Variants in SCHIP1 observed in about 807,000 individuals in gnomAD.
The protein encoded by SCHIP1 is schwannomin-interacting protein 1.
Under a neutral mutation model 29.7 loss-of-function variants are expected in SCHIP1, and 8 were observed. The ratio of observed to expected loss-of-function variants is 0.27; its 90% CI spans 0.16 to 0.49. The LOEUF (loss-of-function observed/expected upper bound fraction) is 0.49. SCHIP1 is among the 20% of genes least tolerant of loss of function. SCHIP1 has a pLI of 0.99. For missense variants in SCHIP1, 193 were observed against 294.6 expected, an observed-to-expected ratio of 0.66 and a Z score of 2.52; for synonymous variants, 76 against 94.9, an observed-to-expected ratio of 0.80 and a Z score of 1.16.
At chr3:159,401,859 C>T in the SCHIP1 span, among the ~76,000 whole-genome samples, 1 of 152,128 alleles carries the variant, frequency 6.6e-6, no homozygotes, top group African/African-American at 2.4e-5. Context: ...CCAGTTTCAG[C>T]TTTCTACATA....
the SCHIP1 span, among the ~76,000 whole-genome samples, chr3:159,455,408 G>A: frequency 6.6e-6 from 1 of 152,148 alleles, no homozygotes; most frequent in Non-Finnish European, 1.5e-5. Flanking sequence ...AGACAAGCAA[G>A]GCAATAACAA....
At chr3:159,629,140 A>C in the SCHIP1 span, among the ~76,000 whole-genome samples, 1 of 150,728 alleles carries the variant, frequency 6.6e-6, no homozygotes, top group African/African-American at 2.5e-5. Context: ...AAGTTAAACA[A>C]AAACACACAC....
At chr3:159,815,003 C>T in the SCHIP1 span, among the ~76,000 whole-genome samples, 4 of 152,162 alleles carry the variant, frequency 2.6e-5, no homozygotes, top group Admixed American at 6.5e-5. Flanking sequence ...GCTTTTCCTT[C>T]TGAGTTCCTT....
intron 2 of SCHIP1, among the ~76,000 whole-genome samples, chr3:159,871,810 A>G (rs1715320771): frequency 6.6e-6 from 1 of 152,084 alleles, no homozygotes; most frequent in Non-Finnish European, 1.5e-5. Flanking sequence ...GCTGTGCCTG[A>G]GCATGCTCCA....
At chr3:159,872,189 G>A (rs543260897) in intron 2 of SCHIP1, among the ~76,000 whole-genome samples, 2 of 152,134 alleles carry the variant, frequency 1.3e-5, no homozygotes, top group South Asian at 4.2e-4. Context: ...ATTTTAGTAA[G>A]ATTTCAGAAG....
At chr3:159,508,602 C>T in the SCHIP1 span, among the ~76,000 whole-genome samples, 2 of 152,076 alleles carry the variant, frequency 1.3e-5, no homozygotes, top group African/African-American at 2.4e-5. Flanking sequence ...CTTGTGGGCA[C>T]TTAGTGCTGT....
the SCHIP1 span, among the ~76,000 whole-genome samples, chr3:159,769,287 A>AG: frequency 1.6e-4 from 5 of 31,610 alleles, no homozygotes; most frequent in Non-Finnish European, 1.9e-4. Context: ...GTGGGGTGGG[A>AG]GGGGGGGCAC....
chr3:159,750,001 A>G, the SCHIP1 span, among the ~76,000 whole-genome samples: 1 of 152,064 alleles, frequency 6.6e-6, no homozygotes, highest in Non-Finnish European at 1.5e-5. Flanking sequence ...ACTAGCAATA[A>G]TTCTATATAG....
chr3:159,627,571 G>A, the SCHIP1 span, among the ~76,000 whole-genome samples: 18 of 152,284 alleles, frequency 1.2e-4, 1 homozygote, highest in South Asian at 3.7e-3. Flanking sequence ...GTTGAGCCAG[G>A]ATTTGCACCT....
the SCHIP1 span, among the ~76,000 whole-genome samples, chr3:159,377,124 G>A: frequency 6.6e-6 from 1 of 152,172 alleles, no homozygotes; most frequent in Admixed American, 6.5e-5. Context: ...GTTGGAGGTA[G>A]ATTAACCGTT....
At chr3:159,442,309 G>T in the SCHIP1 span, among the ~76,000 whole-genome samples, 1 of 152,170 alleles carries the variant, frequency 6.6e-6, no homozygotes, top group African/African-American at 2.4e-5. Flanking sequence ...CACCTCCAGA[G>T]AGGCAGGAAA....
At chr3:159,362,211 A>G in the SCHIP1 span, among the ~76,000 whole-genome samples, 1 of 152,196 alleles carries the variant, frequency 6.6e-6, no homozygotes, top group Non-Finnish European at 1.5e-5. Flanking sequence ...CCAGTGAAGG[A>G]GGTGTTATGA....
At chr3:159,302,062 A>G in the SCHIP1 span, among the ~76,000 whole-genome samples, 1 of 152,216 alleles carries the variant, frequency 6.6e-6, no homozygotes, top group Non-Finnish European at 1.5e-5. Context: ...ATTTTAAACT[A>G]TGGAAAGAAA....
chr3:159,877,783 G>A (rs1715993361), intron 2 of SCHIP1, among the ~76,000 whole-genome samples: 1 of 152,172 alleles, frequency 6.6e-6, no homozygotes, highest in East Asian at 1.9e-4. Context: ...AGCAGGTGGG[G>A]TAGATAGGTG....
chr3:159,333,418 A>G, the SCHIP1 span, among the ~76,000 whole-genome samples: 1 of 152,208 alleles, frequency 6.6e-6, no homozygotes, highest in African/African-American at 2.4e-5. Flanking sequence ...TCACATTATT[A>G]TAAGAAATAC....
the SCHIP1 span, among the ~76,000 whole-genome samples, chr3:159,644,763 A>G: frequency 6.6e-6 from 1 of 152,176 alleles, no homozygotes; most frequent in Non-Finnish European, 1.5e-5. Context: ...TTTTTCAAGT[A>G]CTGTGCTTAT....
At chr3:159,558,935 G>A in the SCHIP1 span, among the ~76,000 whole-genome samples, 2 of 151,962 alleles carry the variant, frequency 1.3e-5, no homozygotes, top group African/African-American at 2.4e-5. Flanking sequence ...ATATAGTAAT[G>A]AGCCCAGGAG....
chr3:159,507,071 T>C, the SCHIP1 span, among the ~76,000 whole-genome samples: 1 of 152,358 alleles, frequency 6.6e-6, no homozygotes, highest in East Asian at 1.9e-4. Context: ...GTGGCCATTT[T>C]CACGATATTG....
the SCHIP1 span, among the ~76,000 whole-genome samples, chr3:159,463,180 T>C: frequency 6.6e-6 from 1 of 151,964 alleles, no homozygotes; most frequent in Non-Finnish European, 1.5e-5. Flanking sequence ...ATTTATTATA[T>C]AGACATGGGG....
Sources: allele counts gnomAD v4.1 joint callset (sites outside exome capture counted in the v4.1 genomes callset), GRCh38; gene constraint gnomAD v4.1.1; transcripts MANE v1.5; gene names NCBI Gene and HGNC (gene_info 2026-07-23, HGNC 2026-07-21).